Variants in DST observed in about 807,000 individuals in gnomAD.
The protein encoded by DST is dystonin.
DST carries 253 observed loss-of-function variants against 875.2 expected under a neutral mutation model. The ratio of observed to expected loss-of-function variants is 0.29; its 90% CI spans 0.26 to 0.32. The LOEUF (loss-of-function observed/expected upper bound fraction) is 0.32. Among genes scored for constraint, DST ranks in the 10% least tolerant of loss-of-function variants. The pLI, the probability that DST is intolerant of heterozygous loss-of-function variation, is 1.00. For synonymous variants in DST, 3,124 were observed against 3,197.1 expected, an observed-to-expected ratio of 0.98 and a Z score of 0.77; for missense variants, 8,287 against 9,111.6, an observed-to-expected ratio of 0.91 and a Z score of 3.68.
chr6:56,537,853 C>G (rs1480790886), intron 61 of DST, among the ~76,000 whole-genome samples: 3 of 152,168 alleles, frequency 2.0e-5, no homozygotes, highest in African/African-American at 4.8e-5. Flanking sequence ...CTGGGCCTAC[C>G]ATGGTACCTA....
chr6:56,943,118 T>C (rs547627645), intron 2 of DST, among the ~76,000 whole-genome samples: 1 of 152,302 alleles, frequency 6.6e-6, no homozygotes, highest in African/African-American at 2.4e-5. Context: ...TGGCTCTCAT[T>C]TGGCATTAAT....
Position 56,620,388 on chromosome 6 carries a change from G to A in DST, c.4929+4142C>T, listed in dbSNP as rs142766363. ...GCCTCTATGGTGAGCTGCCTCACCC[G>A]CTCCAGTTCTCTTTCAGCGGCTTCC... On this transcript the variant is annotated intron_variant, in intron 36 of 103. Transcript: ENST00000680361. 3.7e-5 allele frequency: 59 copies of A among 1,613,910 alleles called. No individual in the cohort carries two copies. Among genetic ancestry groups the A allele is most frequent in the Non-Finnish European group, 4.2e-5 (49 of 1,179,970 alleles).
intron 72 of DST, among the ~76,000 whole-genome samples, chr6:56,514,227 A>G (rs914955976): frequency 6.6e-6 from 1 of 152,210 alleles, no homozygotes; most frequent in South Asian, 2.1e-4. Flanking sequence ...AATCCATGAA[A>G]CATTTTTCAT....
At chr6:56,774,128 A>G (rs866585085) in intron 4 of DST, among the ~76,000 whole-genome samples, 31 of 151,916 alleles carry the variant, frequency 2.0e-4, no homozygotes, top group Middle Eastern at 6.8e-3. Context: ...AAAAAAAAAA[A>G]AAAAGAATTT....
At chr6:56,631,422 C>A (rs758309887) in intron 29 of DST, 33 bp from the exon 30 acceptor site, 1 of 1,588,816 alleles carries the variant, frequency 6.3e-7, no homozygotes, top group South Asian at 1.1e-5. Flanking sequence ...AGGTATCAGG[C>A]CATCACCTGT....
chr6:56,842,885 C>T (rs186245051), intron 4 of DST, among the ~76,000 whole-genome samples: 251 of 152,298 alleles, frequency 1.6e-3, no homozygotes, highest in African/African-American at 5.8e-3. Flanking sequence ...CACCATCCTC[C>T]CTGCGCTGGG....
Position 56,639,271 on chromosome 6 carries a change from C to A in DST, c.2952G>T (p.Arg984=). The A allele has an allele frequency of 6.2e-7, 1 of 1,613,096 alleles. No homozygotes were observed. Among genetic ancestry groups the A allele is most frequent in the African/African-American group, 1.3e-5 (1 of 75,036 alleles). ...EQLLLENHPA[R]LTIEAYRAAM... ...TTTCCAGCTTTACCTCAATAGTTAACCGGGCTGGATGATTTTCTAGAAGTA... is the reference window on the plus strand; with the variant it reads ...TTTCCAGCTTTACCTCAATAGTTAAACGGGCTGGATGATTTTCTAGAAGTA... Residue 984 remains arginine (R), a synonymous_variant, in exon 22 of 104, where the codon CGG becomes CGT. Coordinates refer to ENST00000680361, the MANE Select transcript of DST (RefSeq NM_001374736.1).
chr6:56,564,861 T>C (rs1562833697), intron 55 of DST, among the ~76,000 whole-genome samples: 1 of 152,238 alleles, frequency 6.6e-6, no homozygotes. Context: ...GTTTATGTGA[T>C]GGATTACGTT....
At position 56,604,751 on chromosome 6, in the gene DST, G is replaced by A. The variant is rs372197874; in HGVS notation, c.9877C>T (p.Arg3293Trp). ...VGKNDFLQSE[R>W]CANGLGNDNS... is the part of the protein sequence containing the mutation. Reference sequence around the variant, plus strand: ...TCATTTCCTAATCCATTTGCACACCGCTCCGACTGCAGAAAATCATTTTTC... The same window carrying A: ...TCATTTCCTAATCCATTTGCACACCACTCCGACTGCAGAAAATCATTTTTC... The change falls in exon 40 of 104, where the codon CGG becomes TGG. Residue 3293 changes from arginine to tryptophan, a missense_variant. Arg to Trp is a moderately radical substitution (Grantham distance 101, BLOSUM62 -3). Transcript: ENST00000680361. 183 of 1,612,586 alleles carry A rather than the reference G, an allele frequency of 1.1e-4. No individual in the cohort carries two copies. The highest frequency in any genetic ancestry group is 1.7e-4 in the Middle Eastern group (1 of 6,050).
At chr6:56,585,633 C>T (rs554323753) in intron 49 of DST, among the ~76,000 whole-genome samples, 4 of 152,144 alleles carry the variant, frequency 2.6e-5, no homozygotes, top group Admixed American at 1.3e-4. Context: ...TTGCCTTCTG[C>T]TAGCTTTTGA....
chr6:56,802,933 C>T (rs571421385), intron 4 of DST, among the ~76,000 whole-genome samples: 2 of 152,184 alleles, frequency 1.3e-5, no homozygotes, highest in East Asian at 3.9e-4. Flanking sequence ...TTTAAGAAGG[C>T]CCAGAACACA....
At chr6:56,505,315 T>G (rs961892458) in intron 77 of DST, among the ~76,000 whole-genome samples, 9 of 152,130 alleles carry the variant, frequency 5.9e-5, no homozygotes, top group African/African-American at 1.9e-4. Flanking sequence ...CATGGTGGCT[T>G]GCGTGTGACC....
chr6:56,894,377 C>G (rs1274535094), intron 3 of DST, among the ~76,000 whole-genome samples: 1 of 96,062 alleles, frequency 1.0e-5, no homozygotes, highest in Non-Finnish European at 2.0e-5. Flanking sequence ...ACCTCCCTCC[C>G]GGACGGGGCG....
At chr6:56,723,591 T>G (rs2099430397) in intron 5 of DST, among the ~76,000 whole-genome samples, 1 of 152,100 alleles carries the variant, frequency 6.6e-6, no homozygotes, top group Non-Finnish European at 1.5e-5. Context: ...AGAAGGGCTG[T>G]GAGAAAACAT....
chr6:56,482,970 T>G (rs542224522), intron 88 of DST, 93 bp from the exon 89 acceptor site: 3 of 920,642 alleles, frequency 3.3e-6, no homozygotes, highest in Non-Finnish European at 4.5e-6. Flanking sequence ...CATAACATCA[T>G]GTAAAGATAT....
chr6:56,817,208 C>G (rs1035488837), intron 4 of DST, among the ~76,000 whole-genome samples: 1 of 152,122 alleles, frequency 6.6e-6, no homozygotes, highest in Non-Finnish European at 1.5e-5. Flanking sequence ...ACTCTGGCAT[C>G]TCCCTTTCTA....
At chr6:56,889,606 G>A (rs1259664259) in intron 3 of DST, among the ~76,000 whole-genome samples, 2 of 152,186 alleles carry the variant, frequency 1.3e-5, no homozygotes, top group Non-Finnish European at 2.9e-5. Context: ...TAAGTCACCA[G>A]GAAATGCAGG....
chr6:56,720,434 G>T (rs1442976518), intron 5 of DST, among the ~76,000 whole-genome samples: 1 of 151,362 alleles, frequency 6.6e-6, no homozygotes, highest in Non-Finnish European at 1.5e-5. Context: ...GGACAATAGT[G>T]GAGAGAACGT....
At chr6:56,823,205 G>A (rs543474105) in intron 4 of DST, among the ~76,000 whole-genome samples, 1 of 152,096 alleles carries the variant, frequency 6.6e-6, no homozygotes, top group African/African-American at 2.4e-5. Context: ...AAGTCTGTCC[G>A]TGAATTTTGC....
Sources: allele counts gnomAD v4.1 joint callset (sites outside exome capture counted in the v4.1 genomes callset), GRCh38; gene constraint gnomAD v4.1.1; transcripts MANE v1.5; gene names NCBI Gene and HGNC (gene_info 2026-07-23, HGNC 2026-07-21).